Variants in ANO4 observed in about 807,000 individuals in gnomAD.
The protein encoded by ANO4 is anoctamin-4.
ANO4 carries 69 observed loss-of-function variants against 141.9 expected under a neutral mutation model. The ratio of observed to expected loss-of-function variants is 0.49; its 90% CI spans 0.40 to 0.59. The LOEUF (loss-of-function observed/expected upper bound fraction) is 0.59. Ranked by LOEUF, ANO4 falls within the 20% of genes least tolerant of loss-of-function variation. The pLI is 0.00. For missense variants in ANO4, 894 were observed against 1,162.2 expected (o/e 0.77, Z 3.36); for synonymous variants, 350 against 394.3 (o/e 0.89, Z 1.33).
At chr12:101,047,185 G>A (rs1450539237) in intron 13 of ANO4, among the ~76,000 whole-genome samples, 1 of 152,174 alleles carries the variant, frequency 6.6e-6, no homozygotes, top group Non-Finnish European at 1.5e-5. Flanking sequence ...GGAGGTGGAG[G>A]TTGCAGTGAG....
chr12:100,918,858 A>G (rs1346549245), intron 2 of ANO4, among the ~76,000 whole-genome samples: 2 of 152,168 alleles, frequency 1.3e-5, no homozygotes, highest in Admixed American at 6.6e-5. Flanking sequence ...TTTAGGAGGT[A>G]TTCCAGAAGA....
intron 3 of ANO4, among the ~76,000 whole-genome samples, chr12:100,782,437 A>G (rs148196871): frequency 2.1e-4 from 32 of 152,172 alleles, no homozygotes; most frequent in African/African-American, 7.7e-4. Flanking sequence ...GTCTGCTCTC[A>G]TTATTTTGGG....
chr12:100,938,470 A>C (rs2042377571), intron 3 of ANO4, among the ~76,000 whole-genome samples: 1 of 152,222 alleles, frequency 6.6e-6, no homozygotes, highest in Admixed American at 6.5e-5. Flanking sequence ...GTGGCTTCTG[A>C]CAGGTTATAA....
chr12:100,875,276 G>C (rs969971514), intron 1 of ANO4, among the ~76,000 whole-genome samples: 13 of 152,060 alleles, frequency 8.5e-5, no homozygotes, highest in Admixed American at 2.6e-4. Flanking sequence ...GTGAGTTCTC[G>C]TGAGATCTGG....
Position 101,096,440 on chromosome 12 carries a change from C to G in ANO4, c.1739-96C>G, listed in dbSNP as rs1468882263. The G allele has an allele frequency of 4.1e-6, 4 of 976,304 alleles. No individual in the cohort carries two copies. In the Admixed American group the frequency reaches 7.8e-5, roughly 19 times the overall value. The allele number at this position is 976,304 out of a possible 1,614,324, so 60.5% of individuals were successfully genotyped here. On this transcript the variant is annotated intron_variant, in intron 18 of 27. Coordinates refer to ENST00000392977, the MANE Select transcript of ANO4 (RefSeq NM_001286615.2). ...GTCTCCTGCAGCCTCCTCAGGACTC[C>G]TGCGTCCCCACCCTGTGTGTGTGGG...
At position 100,767,295 on chromosome 12, in the gene ANO4, CTG is replaced by C. The variant is rs372994457; in HGVS notation, c.358+27194_358+27195del. 8.0e-3 allele frequency among the ~76,000 whole-genome samples: 1,211 copies of C among 152,160 alleles called. 17 individuals carry two copies. The highest frequency in any genetic ancestry group is 0.027 in the African/African-American group (1,138 of 41,500). ...CTTTGTTCCATTCTTCCTTTCTTAA[CTG>C]TGTTTCTTTGTGATTTGATTTTTGA... On this transcript the variant is annotated intron_variant, in intron 3 of 29. Transcript: ENST00000644049.
intron 1 of ANO4, among the ~76,000 whole-genome samples, chr12:100,854,162 G>T (rs921110644): frequency 2.0e-5 from 3 of 152,084 alleles, no homozygotes; most frequent in Non-Finnish European, 4.4e-5. Context: ...ATTCTAAAGT[G>T]ATAGTTATTT....
At chr12:100,742,310 A>G (rs909757940) in intron 3 of ANO4, among the ~76,000 whole-genome samples, 2 of 152,110 alleles carry the variant, frequency 1.3e-5, no homozygotes, top group Non-Finnish European at 2.9e-5. Flanking sequence ...GTTGATTTTA[A>G]TATGTATTTT....
chr12:100,864,682 C>T (rs555488492), intron 1 of ANO4, among the ~76,000 whole-genome samples: 39 of 152,246 alleles, frequency 2.6e-4, no homozygotes, highest in African/African-American at 9.1e-4. Flanking sequence ...TAATTCCTCA[C>T]AAAATCGGCA....
chr12:101,055,699 T>G (rs1413520021), intron 14 of ANO4, among the ~76,000 whole-genome samples: 2 of 152,148 alleles, frequency 1.3e-5, no homozygotes, highest in Non-Finnish European at 2.9e-5. Context: ...TAAATTTTCT[T>G]CTGCACTCAT....
intron 1 of ANO4, among the ~76,000 whole-genome samples, chr12:100,725,520 G>A (rs999239626): frequency 1.3e-5 from 2 of 151,774 alleles, no homozygotes; most frequent in African/African-American, 2.4e-5. Context: ...CTAATTTTTT[G>A]TATTTTTGGT....
At chr12:101,094,811 C>A (rs1005827125) in intron 18 of ANO4, among the ~76,000 whole-genome samples, 4 of 151,034 alleles carry the variant, frequency 2.6e-5, no homozygotes, top group Admixed American at 1.3e-4. Context: ...AATAACAAGA[C>A]CCTGTCTCTA....
chr12:100,988,907 G>A (rs144219957), intron 8 of ANO4, among the ~76,000 whole-genome samples: 275 of 141,610 alleles, frequency 1.9e-3, no homozygotes, highest in Middle Eastern at 7.4e-3. Flanking sequence ...AACAAAAAAC[G>A]AAGGTAAGCC....
At chr12:100,947,606 AAC>A (rs1221012987) in intron 5 of ANO4, among the ~76,000 whole-genome samples, 2 of 152,152 alleles carry the variant, frequency 1.3e-5, no homozygotes, top group East Asian at 1.9e-4. Flanking sequence ...AACTGCAGTA[AAC>A]ACACACACAC....
intron 3 of ANO4, among the ~76,000 whole-genome samples, chr12:100,779,579 C>T (rs1210569645): frequency 6.6e-6 from 1 of 152,192 alleles, no homozygotes; most frequent in Non-Finnish European, 1.5e-5. Flanking sequence ...CCTCAATTGA[C>T]ACCATTGCCA....
At chr12:100,951,054 A>G (rs979132455) in intron 5 of ANO4, among the ~76,000 whole-genome samples, 6 of 152,222 alleles carry the variant, frequency 3.9e-5, no homozygotes, top group Non-Finnish European at 8.8e-5. Context: ...GAGGGAGGAC[A>G]TACATGTGGC....
At chr12:101,124,374 T>G (rs1039281647) in intron 26 of ANO4, among the ~76,000 whole-genome samples, 1 of 152,182 alleles carries the variant, frequency 6.6e-6, no homozygotes, top group African/African-American at 2.4e-5. Flanking sequence ...TATCAGACCT[T>G]TGTTAGATGG....
intron 1 of ANO4, among the ~76,000 whole-genome samples, chr12:100,844,070 A>G (rs1043239839): frequency 4.6e-5 from 7 of 152,170 alleles, no homozygotes; most frequent in African/African-American, 1.7e-4. Flanking sequence ...TCTGGGCATT[A>G]GAATTACAGA....
intron 22 of ANO4, among the ~76,000 whole-genome samples, chr12:101,107,565 A>G (rs1170867317): frequency 1.3e-5 from 2 of 152,136 alleles, no homozygotes; most frequent in African/African-American, 4.8e-5. Context: ...TATATGCTGT[A>G]TCCCCATAAA....
Sources: allele counts gnomAD v4.1 joint callset (sites outside exome capture counted in the v4.1 genomes callset), GRCh38; gene constraint gnomAD v4.1.1; transcripts MANE v1.5; gene names NCBI Gene and HGNC (gene_info 2026-07-23, HGNC 2026-07-21).